DOCK1: variants seen among roughly 807,000 people sequenced by gnomAD.
The protein encoded by DOCK1 is dedicator of cytokinesis protein 1.
A neutral mutation model predicts 262.7 loss-of-function variants in DOCK1; 138 were observed. That is an observed-to-expected ratio of 0.53 (90% confidence interval 0.46 to 0.61). The LOEUF (loss-of-function observed/expected upper bound fraction) is 0.61. DOCK1 is among the 20% of genes least tolerant of loss of function. DOCK1 has a pLI of 0.00. For synonymous variants in DOCK1, 866 were observed against 867.4 expected (o/e 1.00, Z 0.03); for missense variants, 1,908 against 2,370.7 (o/e 0.80, Z 4.05).
At chr10:127,156,612 G>C (rs1386721929) in intron 27 of DOCK1, among the ~76,000 whole-genome samples, 1 of 118,120 alleles carries the variant, frequency 8.5e-6, no homozygotes, top group Admixed American at 1.2e-4. Context: ...TTGTTGCCCA[G>C]GCTGGAGTGC....
At chr10:126,966,025 CT>C (rs1177705840) in intron 1 of DOCK1, among the ~76,000 whole-genome samples, 2 of 152,292 alleles carry the variant, frequency 1.3e-5, no homozygotes, top group African/African-American at 4.8e-5. Flanking sequence ...CACTTCCCCC[CT>C]ACCCTTCTTA....
At chr10:127,394,253 T>C (rs1374317622) in intron 38 of DOCK1, among the ~76,000 whole-genome samples, 2 of 151,784 alleles carry the variant, frequency 1.3e-5, no homozygotes, top group South Asian at 2.1e-4. Context: ...GCCCAAGTGA[T>C]ATATGAAGCC....
At chr10:127,128,307 GC>G (rs2050095244) in intron 27 of DOCK1, among the ~76,000 whole-genome samples, 1 of 146,476 alleles carries the variant, frequency 6.8e-6, no homozygotes, top group Admixed American at 6.8e-5. Flanking sequence ...GTTTCCTTCA[GC>G]AAAAAATGCA....
At chr10:127,241,089 A>G (rs1339762770) in intron 27 of DOCK1, among the ~76,000 whole-genome samples, 2 of 152,184 alleles carry the variant, frequency 1.3e-5, no homozygotes, top group Non-Finnish European at 2.9e-5. Context: ...TCTGGAGGCC[A>G]AGGCGGGTGG....
intron 10 of DOCK1, among the ~76,000 whole-genome samples, chr10:127,006,150 T>G (rs1337520429): frequency 6.6e-6 from 1 of 152,182 alleles, no homozygotes; most frequent in African/African-American, 2.4e-5. Context: ...GCGGAGTTGC[T>G]GACTCGCAGG....
At chr10:127,103,709 G>A (rs7896510) in intron 23 of DOCK1, among the ~76,000 whole-genome samples, 23,948 of 152,098 alleles carry the variant, frequency 0.16, 2,241 homozygotes, top group African/African-American at 0.26. Context: ...AGCCTGTTCC[G>A]TGCTTAATTA....
At chr10:126,994,893 G>A (rs181441929) in intron 6 of DOCK1, among the ~76,000 whole-genome samples, 129 of 151,982 alleles carry the variant, frequency 8.5e-4, no homozygotes, top group African/African-American at 2.9e-3. Flanking sequence ...CAGACGGGGC[G>A]GCCGGGCAGA....
At position 127,409,037 on chromosome 10, in the gene DOCK1, G is replaced by C; in HGVS notation, c.4123G>C (p.Gly1375Arg). ...YGQGFPTFLRGKVFIYRGKEY... is the reference protein window; with the variant it reads ...YGQGFPTFLRRKVFIYRGKEY... ...ATGAAATGAATGTCACCCTTTTCAG[G>C]GAAAAGTTTTCATTTACCGAGGGAA... Residue 1375 changes from glycine to arginine, a missense_variant and splice_region_variant, in exon 41 of 52, where the codon GGA (glycine) becomes CGA (arginine). This residue lies in a region of DOCK1 where 267 missense variants were observed against 366.3 expected (regional missense o/e 0.73). Coordinates refer to ENST00000623213, the MANE Select transcript of DOCK1 (RefSeq NM_001290223.2). The C allele has an allele frequency of 6.3e-7, 1 of 1,579,808 alleles. No individual in the cohort carries two copies. Among genetic ancestry groups the C allele is most frequent in the South Asian group, 1.2e-5 (1 of 86,338 alleles).
chr10:127,042,211 TCCA>T (rs1308040695), intron 19 of DOCK1, among the ~76,000 whole-genome samples: 4 of 152,178 alleles, frequency 2.6e-5, no homozygotes, highest in Non-Finnish European at 5.9e-5. Context: ...GGTCCTTCCT[TCCA>T]CTCAGCTGGG....
rs1160892441 is a variant in DOCK1 at position 127,003,260 on chromosome 10, TTGAACCTGTATGAACCTGCG to T, written c.985+2963_985+2982del. Among the ~76,000 whole-genome samples, 282 of 151,150 alleles carry T rather than the reference TTGAACCTGTATGAACCTGCG, an allele frequency of 1.9e-3. 1 individual carries two copies. The highest frequency in any genetic ancestry group is 6.5e-3 in the African/African-American group (269 of 41,082). On this transcript the variant is annotated intron_variant, in intron 10 of 51. Transcript: ENST00000623213. ...CCTGTGTGAACCCACGTGAACCTTTTTGAACCTGTATGAACCTGCGTGAACCTGTGTGAACCTGCGTGAAC... is the reference window on the plus strand; with the variant it reads ...CCTGTGTGAACCCACGTGAACCTTTTTGAACCTGTGTGAACCTGCGTGAAC...
chr10:127,036,933 C>T (rs144928302), intron 18 of DOCK1, among the ~76,000 whole-genome samples: 1,819 of 146,592 alleles, frequency 0.012, 24 homozygotes, highest in African/African-American at 0.034. Flanking sequence ...GCTGAGATTG[C>T]GCCATTGCAC....
At chr10:127,280,537 G>A (rs1017355141) in intron 29 of DOCK1, among the ~76,000 whole-genome samples, 1 of 152,188 alleles carries the variant, frequency 6.6e-6, no homozygotes, top group African/African-American at 2.4e-5. Context: ...AGGGAGCTCA[G>A]TCATCCTTGA....
intron 27 of DOCK1, among the ~76,000 whole-genome samples, chr10:127,206,703 G>A (rs529724506): frequency 9.9e-5 from 15 of 152,144 alleles, no homozygotes; most frequent in Non-Finnish European, 1.8e-4. Context: ...GCCAGACACT[G>A]TGTTAGCTGC....
At chr10:127,332,648 C>A (rs6482808) in intron 29 of DOCK1, among the ~76,000 whole-genome samples, 2,664 of 152,262 alleles carry the variant, frequency 0.017, 90 homozygotes, top group African/African-American at 0.061. Context: ...CCCAAAGACA[C>A]GAGGCAGATC....
chr10:127,379,213 T>G (rs754182804), intron 35 of DOCK1, among the ~76,000 whole-genome samples: 11 of 152,222 alleles, frequency 7.2e-5, no homozygotes, highest in Non-Finnish European at 1.5e-4. Context: ...TTTAAAGTGT[T>G]TATGGAGATG....
chr10:127,192,270 T>C (rs920364415), intron 27 of DOCK1, among the ~76,000 whole-genome samples: 1 of 152,214 alleles, frequency 6.6e-6, no homozygotes. Context: ...TCACAAATAA[T>C]GACTTTGGGG....
intron 27 of DOCK1, among the ~76,000 whole-genome samples, chr10:127,181,787 T>C (rs1456357979): frequency 6.6e-6 from 1 of 152,164 alleles, no homozygotes; most frequent in African/African-American, 2.4e-5. Context: ...ACTCACTAAA[T>C]GAAGTCACTC....
intron 5 of DOCK1, among the ~76,000 whole-genome samples, chr10:126,988,664 G>T (rs986930373): frequency 6.6e-6 from 1 of 152,198 alleles, no homozygotes; most frequent in African/African-American, 2.4e-5. Flanking sequence ...TGTAACCCTA[G>T]AGTAGGTATT....
rs780361536 is a variant in DOCK1 at position 126,978,971 on chromosome 10, C to A, written c.171+983C>A. ...CACTTGGGAAGGATCCAGGGTGGTC[C>A]CTATGGCAGCCATCCTCTGGCACAG... On this transcript the variant is annotated intron_variant, in intron 3 of 51. Coordinates refer to ENST00000623213, the MANE Select transcript of DOCK1 (RefSeq NM_001290223.2). Among the ~76,000 whole-genome samples the A allele has an allele frequency of 5.9e-5, 9 of 152,210 alleles. No homozygotes were observed. The East Asian group carries it at 1.7e-3, about 29-fold the overall frequency.
Sources: gnomAD v4.1 joint callset for allele counts (sites outside exome capture counted in the v4.1 genomes callset) on GRCh38, gnomAD v4.1.1 for gene constraint, gnomAD v4.1.1 regional missense constraint, MANE v1.5 for transcripts, NCBI Gene and HGNC (gene_info 2026-07-23, HGNC 2026-07-21) for gene names.